Variants in ROBO1 observed in about 807,000 individuals in gnomAD.
ROBO1 encodes roundabout homolog 1.
A neutral mutation model predicts 195.9 loss-of-function variants in ROBO1; 149 were observed. That is an observed-to-expected ratio of 0.76 (90% CI 0.67 to 0.87). The LOEUF is 0.87. Ranked by LOEUF, ROBO1 falls within the 40% of genes least tolerant of loss-of-function variation. The pLI, the probability that ROBO1 is intolerant of heterozygous loss-of-function variation, is 0.00. For synonymous variants in ROBO1, 816 were observed against 733.2 expected (o/e 1.11, Z -1.82); for missense variants, 1,933 against 2,068.3 (o/e 0.93, Z 1.27).
At chr3:78,639,246 C>G (rs947318217) in intron 22 of ROBO1, among the ~76,000 whole-genome samples, 8 of 151,770 alleles carry the variant, frequency 5.3e-5, no homozygotes, top group Non-Finnish European at 1.2e-4. Flanking sequence ...CACGTGAGGC[C>G]AGGAGTTCGA....
chr3:79,636,434 T>C (rs1437112535), intron 1 of ROBO1, among the ~76,000 whole-genome samples: 1 of 152,156 alleles, frequency 6.6e-6, no homozygotes. Context: ...TTCTCAAAGT[T>C]CTAGAATCCG....
At chr3:79,452,392 C>T (rs1435110440) in intron 2 of ROBO1, among the ~76,000 whole-genome samples, 1 of 152,118 alleles carries the variant, frequency 6.6e-6, no homozygotes. Flanking sequence ...CTTCTCTTAT[C>T]TCCTAGAATG....
chr3:79,204,939 T>C (rs1233671063), intron 2 of ROBO1, among the ~76,000 whole-genome samples: 2 of 152,038 alleles, frequency 1.3e-5, no homozygotes, highest in African/African-American at 2.4e-5. Context: ...TTTTTAACTT[T>C]ATTTTTCTCG....
At chr3:79,104,349 T>C (rs1043954192) in intron 3 of ROBO1, among the ~76,000 whole-genome samples, 2 of 151,846 alleles carry the variant, frequency 1.3e-5, no homozygotes, top group African/African-American at 4.8e-5. Context: ...GGCTATTTCC[T>C]GAAATAATAA....
At chr3:79,635,807 A>G (rs1945479049) in intron 1 of ROBO1, among the ~76,000 whole-genome samples, 1 of 152,164 alleles carries the variant, frequency 6.6e-6, no homozygotes, top group African/African-American at 2.4e-5. Context: ...ATTTTTAATT[A>G]TTGCACTTAG....
At chr3:79,168,127 C>T (rs760698948) in intron 2 of ROBO1, among the ~76,000 whole-genome samples, 6 of 152,138 alleles carry the variant, frequency 3.9e-5, no homozygotes, top group Admixed American at 1.3e-4. Context: ...CTGGACTTAA[C>T]AGTATTCTTT....
intron 1 of ROBO1, among the ~76,000 whole-genome samples, chr3:79,668,305 C>T (rs1382191293): frequency 1.3e-5 from 2 of 150,368 alleles, no homozygotes; most frequent in Non-Finnish European, 3.0e-5. Context: ...AAGCACAGTC[C>T]TCCATACTAA....
In ROBO1 at chr3:78,672,586, C is replaced by A. The variant is rs568827720; in HGVS notation, c.1343-2285G>T. Among the ~76,000 whole-genome samples, 36 of 135,506 alleles carry A rather than the reference C, an allele frequency of 2.7e-4. No homozygotes were observed. The East Asian group carries it at 7.4e-3, about 28-fold the overall frequency. The allele number at this position is 135,506 out of a possible 152,430, so 88.9% of individuals were successfully genotyped here. ...CTCCAGCCTGGGTGACAGAGTGAGA[C>A]CCTGTCTCAAAAAAAAAAAAAAAAA... On this transcript the variant is annotated intron_variant, in intron 10 of 30. Coordinates refer to ENST00000464233, the MANE Select transcript of ROBO1 (RefSeq NM_002941.4).
At chr3:79,467,975 C>T (rs901390310) in intron 2 of ROBO1, among the ~76,000 whole-genome samples, 3 of 152,188 alleles carry the variant, frequency 2.0e-5, no homozygotes, top group African/African-American at 7.2e-5. Context: ...TCTCCCATCT[C>T]ACCAGCACAA....
intron 8 of ROBO1, among the ~76,000 whole-genome samples, chr3:78,712,727 C>G (rs944531406): frequency 6.6e-6 from 1 of 152,072 alleles, no homozygotes; most frequent in Admixed American, 6.5e-5. Flanking sequence ...CTTTGAAATC[C>G]AGGCTTAGAG....
intron 3 of ROBO1, among the ~76,000 whole-genome samples, chr3:78,975,939 G>C (rs762122084): frequency 1.3e-5 from 2 of 152,134 alleles, no homozygotes; most frequent in African/African-American, 2.4e-5. Flanking sequence ...GTTTAAGGCA[G>C]CATAAAGACC....
intron 2 of ROBO1, among the ~76,000 whole-genome samples, chr3:79,523,461 CTTTTT>C (rs11357931): frequency 7.4e-6 from 1 of 134,822 alleles, no homozygotes; most frequent in Non-Finnish European, 1.6e-5. Context: ...ATTTTTCTTT[CTTTTT>C]TTTTTCTTTT....
intron 2 of ROBO1, among the ~76,000 whole-genome samples, chr3:79,559,275 G>A (rs2107702728): frequency 6.6e-6 from 1 of 152,136 alleles, no homozygotes; most frequent in African/African-American, 2.4e-5. Context: ...AGTGCTGCCT[G>A]ATCCATGAAT....
intron 2 of ROBO1, among the ~76,000 whole-genome samples, chr3:79,187,892 C>G (rs1276842985): frequency 6.6e-6 from 1 of 151,948 alleles, no homozygotes; most frequent in Non-Finnish European, 1.5e-5. Flanking sequence ...CCTGAGGAGG[C>G]AGGAAACCTA....
chr3:79,381,355 C>CAAAAAAAA (rs61680946), intron 2 of ROBO1, among the ~76,000 whole-genome samples: 5 of 60,712 alleles, frequency 8.2e-5, no homozygotes, highest in East Asian at 4.7e-4. Context: ...AACTCCGTCT[C>CAAAAAAAA]AAAAAAAAAA....
chr3:79,040,917 C>T (rs947234543), intron 3 of ROBO1, among the ~76,000 whole-genome samples: 3 of 152,150 alleles, frequency 2.0e-5, no homozygotes, highest in African/African-American at 7.2e-5. Context: ...TATGACTCTT[C>T]ACAGTCTGAC....
intron 2 of ROBO1, among the ~76,000 whole-genome samples, chr3:79,482,978 TCAA>T (rs1938948190): frequency 6.6e-6 from 1 of 152,146 alleles, no homozygotes; most frequent in Non-Finnish European, 1.5e-5. Context: ...GTCAAACTCC[TCAA>T]CAACAACAGG....
intron 4 of ROBO1, among the ~76,000 whole-genome samples, chr3:78,889,711 G>GAAA (rs745338257): frequency 6.2e-5 from 3 of 48,102 alleles, no homozygotes; most frequent in South Asian, 6.5e-4. Flanking sequence ...ATAACTCCAA[G>GAAA]AAAAAAAAAA....
chr3:79,035,681 A>G (rs1185126569), intron 3 of ROBO1, among the ~76,000 whole-genome samples: 2 of 152,086 alleles, frequency 1.3e-5, no homozygotes, highest in African/African-American at 2.4e-5. Context: ...CAGTGAGCCA[A>G]GACTGTGCAA....
Sources: allele counts gnomAD v4.1 joint callset (sites outside exome capture counted in the v4.1 genomes callset), GRCh38; gene constraint gnomAD v4.1.1; transcripts MANE v1.5; gene names NCBI Gene and HGNC (gene_info 2026-07-23, HGNC 2026-07-21).